The following PSTPIP1 variants were observed in gnomAD, a reference collection of about 807,000 sequenced individuals.
The protein encoded by PSTPIP1 is proline-serine-threonine phosphatase interacting protein 1.
PSTPIP1 carries 66 observed loss-of-function variants against 69.6 expected under a neutral mutation model. That is an observed-to-expected ratio of 0.95 (90% CI 0.78 to 1.16). The LOEUF (loss-of-function observed/expected upper bound fraction) is 1.16, where lower values mean the gene tolerates loss of function less well. Among genes scored for constraint, PSTPIP1 ranks in the 50% most tolerant of loss-of-function variants. The probability of loss-of-function intolerance (pLI) is 0.00; values close to 1 mark genes in which losing one functional copy is unlikely to be tolerated. For missense variants in PSTPIP1, 603 were observed against 557.4 expected, an observed-to-expected ratio of 1.08 and a Z score of -0.82; for synonymous variants, 266 against 222.7, an observed-to-expected ratio of 1.19 and a Z score of -1.73.
At chr15:77,028,872 G>A (rs901957015) in intron 7 of PSTPIP1, among the ~76,000 whole-genome samples, 33 of 152,332 alleles carry the variant, frequency 2.2e-4, no homozygotes, top group Middle Eastern at 3.4e-3. Context: ...ACCGTCAGGC[G>A]GCACTCAGGG....
intron 7 of PSTPIP1, 23 bp from the exon 8 acceptor site, chr15:77,029,506 C>T (rs1377891345): frequency 1.3e-6 from 2 of 1,567,108 alleles, no homozygotes; most frequent in Non-Finnish European, 1.7e-6. Flanking sequence ...GGGCTTAGCG[C>T]TGCTTCCCCT....
At chr15:77,007,580 G>T (rs541337933) in intron 1 of PSTPIP1, among the ~76,000 whole-genome samples, 1 of 151,730 alleles carries the variant, frequency 6.6e-6, no homozygotes, top group East Asian at 2.0e-4. Flanking sequence ...CTGCACTCCA[G>T]CCTGGGCAAC....
Position 77,032,888 on chromosome 15 carries a change from G to T in PSTPIP1, c.865G>T (p.Asp289Tyr). The change falls in exon 12 of 15, where the codon GAT becomes TAT. Residue 289 changes from aspartate (D) to tyrosine (Y), a missense_variant. By Grantham distance (160) the Asp-to-Tyr change is radical. Coordinates refer to ENST00000558012, the MANE Select transcript of PSTPIP1 (RefSeq NM_003978.5). ...PAPVPYQNYY[D>Y]REVTPLTSSP... ...TCCGGTGCCCTACCAGAACTATTACGATCGGGAGGTCACCCCGCTGACCAG... is the reference window on the plus strand; with the variant it reads ...TCCGGTGCCCTACCAGAACTATTACTATCGGGAGGTCACCCCGCTGACCAG... The T allele has an allele frequency of 6.2e-7, 1 of 1,600,908 alleles. No homozygotes were observed.
Position 76,995,277 on chromosome 15 carries a change from C to A in PSTPIP1, c.-297C>A. The A allele has an allele frequency of 1.5e-6, 2 of 1,327,700 alleles. No individual in the cohort carries two copies. The highest frequency in any genetic ancestry group is 1.6e-5 in the South Asian group (1 of 62,612). The allele number at this position is 1,327,700 out of a possible 1,614,324, so 82.2% of individuals were successfully genotyped here. ...GGTCCCAGACTGTGTCCTCCATCAC[C>A]GCAGGGTCGGTGAGGGGCTGGGCTG... On this transcript the variant is annotated 5_prime_UTR_variant, in exon 1 of 15. Coordinates refer to ENST00000558012, the MANE Select transcript of PSTPIP1 (RefSeq NM_003978.5).
chr15:77,001,891 G>A (rs1257076464), intron 1 of PSTPIP1, among the ~76,000 whole-genome samples: 1 of 152,156 alleles, frequency 6.6e-6, no homozygotes, highest in Non-Finnish European at 1.5e-5. Flanking sequence ...GAGGGATGAG[G>A]CTGAGCGGCT....
Position 77,031,225 on chromosome 15 carries a change from G to A in PSTPIP1, c.688G>A (p.Ala230Thr), listed in dbSNP as rs121908130. 6.2e-7 allele frequency: 1 copy of A among 1,613,048 alleles called. No individual in the cohort carries two copies. Among genetic ancestry groups the A allele is most frequent in the South Asian group, 1.1e-5 (1 of 91,064 alleles). The change falls in exon 10 of 15, where the codon GCC (alanine) becomes ACC (threonine). Residue 230 changes from alanine to threonine, a missense_variant. By Grantham distance (58) the Ala-to-Thr change is moderately conservative. Coordinates refer to ENST00000558012, the MANE Select transcript of PSTPIP1 (RefSeq NM_003978.5). ...EFDRLTILRN[A>T]LWVHSNQLSM... ...TGACCGGCTGACCATTCTCCGCAAC[G>A]CCCTGTGGGTGCACAGCAACCAGCT...
intron 1 of PSTPIP1, among the ~76,000 whole-genome samples, chr15:77,010,209 G>T (rs1397788566): frequency 6.6e-6 from 1 of 152,196 alleles, no homozygotes; most frequent in African/African-American, 2.4e-5. Flanking sequence ...CTTGGCAGGG[G>T]CGGTACAGAG....
chr15:77,037,343 T>G lies in PSTPIP1; in HGVS notation c.*167T>G. ...GTGCGTTCTGTTCTCCTTGGTGTGC[T>G]GGGGTCCCGTTCTCTTTTTCTCCTG... On this transcript the variant is annotated 3_prime_UTR_variant, in exon 15 of 15. Transcript: ENST00000558012. 1.1e-6 allele frequency: 1 copy of G among 885,302 alleles called. No individual in the cohort carries two copies. The highest frequency in any genetic ancestry group is 1.8e-5 in the South Asian group (1 of 55,426). The allele number at this position is 885,302 out of a possible 1,614,324, so 54.8% of individuals were successfully genotyped here. A position where few individuals can be genotyped will look rare whatever the true frequency, so the allele number is the denominator to read the frequency against.
At chr15:77,011,892 G>A (rs536240279) in intron 1 of PSTPIP1, among the ~76,000 whole-genome samples, 10 of 152,112 alleles carry the variant, frequency 6.6e-5, no homozygotes, top group Admixed American at 6.5e-4. Context: ...CATTGTCCTG[G>A]AGTTGGCCTC....
At chr15:77,025,472 G>A in intron 4 of PSTPIP1, 26 bp from the exon 5 acceptor site, 4 of 1,574,488 alleles carry the variant, frequency 2.5e-6, no homozygotes, top group Middle Eastern at 1.7e-4. Context: ...TGACACTGGG[G>A]ACCAGTATCC....
chr15:77,032,994 A>C (rs1568522169), intron 12 of PSTPIP1, 42 bp downstream of exon 12: 14 of 1,554,220 alleles, frequency 9.0e-6, no homozygotes, highest in Admixed American at 1.9e-5. Flanking sequence ...AGGCTGGGCC[A>C]GGAAGTGGGT....
chr15:77,034,639 G>T (rs753855992), intron 12 of PSTPIP1, among the ~76,000 whole-genome samples: 1 of 152,010 alleles, frequency 6.6e-6, no homozygotes, highest in Non-Finnish European at 1.5e-5. Context: ...CCCTGCACCT[G>T]AGCCCTCCCT....
At chr15:77,018,717 G>A (rs532737657) in intron 3 of PSTPIP1, among the ~76,000 whole-genome samples, 186 bp downstream of exon 3, 224 of 152,278 alleles carry the variant, frequency 1.5e-3, no homozygotes, top group Non-Finnish European at 2.0e-3. Flanking sequence ...GAGGAAGCCC[G>A]AGGGTCTGAG....
chr15:77,009,126 G>A (rs2075880949), intron 1 of PSTPIP1, among the ~76,000 whole-genome samples: 1 of 152,184 alleles, frequency 6.6e-6, no homozygotes, highest in Admixed American at 6.5e-5. Context: ...GCAGGTTAAT[G>A]GCCAAGCAAG....
At position 77,037,104 on chromosome 15, in the gene PSTPIP1, G is replaced by A. The variant is rs1355605205; in HGVS notation, c.1179G>A (p.Glu393=). The change falls in exon 15 of 15, where the codon GAG becomes GAA. Residue 393 remains glutamate, a synonymous_variant. Coordinates refer to ENST00000558012, the MANE Select transcript of PSTPIP1 (RefSeq NM_003978.5). ...GDILEVILEG[E]DGWWTVERNG... is the part of the protein sequence containing the mutation. ...TCCTGGAGGTGATCCTGGAAGGGGAGGATGGCTGGTGGACTGTGGAGAGGA... is the reference window on the plus strand; with the variant it reads ...TCCTGGAGGTGATCCTGGAAGGGGAAGATGGCTGGTGGACTGTGGAGAGGA... 9 of 1,612,318 alleles carry A rather than the reference G, an allele frequency of 5.6e-6. No individual in the cohort carries two copies. The highest frequency in any genetic ancestry group is 2.2e-5 in the South Asian group (2 of 91,088).
intron 1 of PSTPIP1, among the ~76,000 whole-genome samples, chr15:77,011,807 G>A (rs547439197): frequency 6.6e-6 from 1 of 152,048 alleles, no homozygotes; most frequent in South Asian, 2.1e-4. Context: ...AGTGATGGGC[G>A]CTCCTCACCT....
intron 1 of PSTPIP1, among the ~76,000 whole-genome samples, chr15:77,000,998 C>T (rs1269358515): frequency 2.0e-5 from 3 of 152,178 alleles, no homozygotes; most frequent in African/African-American, 7.2e-5. Context: ...GTAACTCACT[C>T]CATCGGGAAC....
rs1188931181 is a variant in PSTPIP1, at chr15:77,035,898, C to A, written c.1082C>A (p.Ala361Asp). ...ATACAGGGAAACCCGGCCTCACCAG[C>A]CCAGGAGTACCGGGCGCTCTACGAT... The part of the protein sequence containing the change: ...QEIQGNPASP[A>D]QEYRALYDYT... Residue 361 changes from alanine to aspartate, a missense_variant, in exon 14 of 15, where the codon GCC (alanine) becomes GAC (aspartate). Physicochemically the swap from Ala to Asp is moderately radical, Grantham distance 126 (BLOSUM62 -2). Coordinates refer to ENST00000558012, the MANE Select transcript of PSTPIP1 (RefSeq NM_003978.5). 1.9e-6 allele frequency: 3 copies of A among 1,609,310 alleles called. No homozygotes were observed. Among genetic ancestry groups the A allele is most frequent in the Admixed American group, 3.3e-5 (2 of 59,774 alleles).
chr15:77,016,718 C>A (rs962286035), intron 1 of PSTPIP1, among the ~76,000 whole-genome samples: 8 of 151,982 alleles, frequency 5.3e-5, no homozygotes, highest in Non-Finnish European at 1.2e-4. Flanking sequence ...ACTGTTGGGG[C>A]AATTTATGCC....
Sources: gnomAD v4.1 joint callset for allele counts (sites outside exome capture counted in the v4.1 genomes callset) on GRCh38, gnomAD v4.1.1 for gene constraint, MANE v1.5 for transcripts, NCBI Gene and HGNC (gene_info 2026-07-23, HGNC 2026-07-21) for gene names.